TOR1AIP1: variants seen among roughly 807,000 people sequenced by gnomAD.
The protein encoded by TOR1AIP1 is torsin 1A interacting protein 1.
A neutral mutation model predicts 63.3 loss-of-function variants in TOR1AIP1; 54 were observed. The ratio of observed to expected loss-of-function variants is 0.85; its 90% confidence interval spans 0.69 to 1.07. The LOEUF is 1.07. TOR1AIP1 is among the 50% of genes least tolerant of loss of function. TOR1AIP1 has a pLI of 0.00. For synonymous variants in TOR1AIP1, 294 were observed against 273.5 expected, an observed-to-expected ratio of 1.07 and a Z score of -0.74; for missense variants, 736 against 715.0, an observed-to-expected ratio of 1.03 and a Z score of -0.33.
At chr1:179,903,497 G>A (rs1220458937) in intron 5 of TOR1AIP1, among the ~76,000 whole-genome samples, 1 of 151,434 alleles carries the variant, frequency 6.6e-6, no homozygotes, top group Non-Finnish European at 1.5e-5. Flanking sequence ...TGACTCTTTA[G>A]AAACTTTTTT....
intron 3 of TOR1AIP1, among the ~76,000 whole-genome samples, chr1:179,898,209 C>CG (rs1648343147): frequency 6.6e-6 from 1 of 152,026 alleles, no homozygotes; most frequent in African/African-American, 2.4e-5. Context: ...GGTCTTCTGG[C>CG]TTTTTTTATT....
At chr1:179,908,336 A>G (rs1648718638) in intron 7 of TOR1AIP1, among the ~76,000 whole-genome samples, 2 of 152,172 alleles carry the variant, frequency 1.3e-5, no homozygotes, top group Non-Finnish European at 2.9e-5. Context: ...TTACTCTGTG[A>G]TATGGAAATG....
In TOR1AIP1 at chr1:179,917,847, A is replaced by G. The variant is rs778639424; in HGVS notation, c.1360A>G (p.Ser454Gly). Residue 454 changes from serine (S) to glycine (G), a missense_variant, in exon 10 of 10, where the codon AGT (serine) becomes GGT (glycine). This residue lies in a region of TOR1AIP1 where 272 missense variants were observed against 344.1 expected (regional missense o/e 0.79). Coordinates refer to ENST00000606911, the MANE Select transcript of TOR1AIP1 (RefSeq NM_015602.4). Reference sequence around the variant, plus strand: ...TGGGACAGATAAAGCTACTCAAGACAGTGATACTGTCAAACTAGAGGTAGA... The same window carrying G: ...TGGGACAGATAAAGCTACTCAAGACGGTGATACTGTCAAACTAGAGGTAGA... ...IDGTDKATQD[S>G]DTVKLEVDQE... 1 of 1,614,224 alleles carries G rather than the reference A, an allele frequency of 6.2e-7. No individual in the cohort carries two copies.
Position 179,918,416 on chromosome 1 carries a change from G to A in TOR1AIP1, c.*177G>A, listed in dbSNP as rs1649092213. 6 of 633,352 alleles carry A rather than the reference G, an allele frequency of 9.5e-6. No homozygotes were observed. Among genetic ancestry groups the A allele is most frequent in the Non-Finnish European group, 1.6e-5 (6 of 378,104 alleles). The allele number at this position is 633,352 out of a possible 1,614,324, so 39.2% of individuals were successfully genotyped here. A position where few individuals can be genotyped will look rare whatever the true frequency, so the allele number is the denominator to read the frequency against. ...TTCAACCTAATTATCTGTGATATGA[G>A]AGAATCATTTCAGTTTCCATTGAGA... On this transcript the variant is annotated 3_prime_UTR_variant, in exon 10 of 10. Coordinates refer to ENST00000606911, the MANE Select transcript of TOR1AIP1 (RefSeq NM_015602.4).
intron 6 of TOR1AIP1, among the ~76,000 whole-genome samples, chr1:179,906,747 T>C (rs1306877398): frequency 1.4e-5 from 2 of 139,316 alleles, no homozygotes; most frequent in South Asian, 2.7e-4. Context: ...CCCCCCCTTT[T>C]TTTTTTTTGA....
chr1:179,917,331 C>A, intron 9 of TOR1AIP1, 121 bp from the exon 10 acceptor site: 1 of 839,354 alleles, frequency 1.2e-6, no homozygotes, highest in Non-Finnish European at 1.9e-6. Context: ...CAGCTTTCTT[C>A]TTTAAAGTCC....
At chr1:179,888,485 A>G (rs1203744222) in intron 2 of TOR1AIP1, among the ~76,000 whole-genome samples, 1 of 152,198 alleles carries the variant, frequency 6.6e-6, no homozygotes, top group African/African-American at 2.4e-5. Context: ...TTTTTTAAAG[A>G]TATCGATATA....
intron 2 of TOR1AIP1, 145 bp from the exon 3 acceptor site, chr1:179,889,168 C>G (rs1270691684): frequency 8.0e-6 from 4 of 497,706 alleles, no homozygotes; most frequent in African/African-American, 7.7e-5. Flanking sequence ...CAACAGTTGT[C>G]ACTTAGAAAG....
At chr1:179,897,730 A>C (rs1648331244) in intron 3 of TOR1AIP1, among the ~76,000 whole-genome samples, 1 of 152,164 alleles carries the variant, frequency 6.6e-6, no homozygotes, top group Admixed American at 6.6e-5. Flanking sequence ...GTATTACATG[A>C]ATTACACTTA....
chr1:179,882,361 G>A lies in TOR1AIP1; in HGVS notation c.-142G>A. 1.3e-6 allele frequency: 1 copy of A among 784,652 alleles called. No homozygotes were observed. The highest frequency in any genetic ancestry group is 1.8e-5 in the African/African-American group (1 of 55,686). The allele number at this position is 784,652 out of a possible 1,614,324, so 48.6% of individuals were successfully genotyped here. On this transcript the variant is annotated 5_prime_UTR_variant, in exon 1 of 10. Coordinates refer to ENST00000606911, the MANE Select transcript of TOR1AIP1 (RefSeq NM_015602.4). ...GCTACACAGCAGCGACGACGCAGGC[G>A]GCGGCCCCAGCGACTCGCAACTGCC...
At chr1:179,904,951 T>C (rs1273881406) in intron 6 of TOR1AIP1, among the ~76,000 whole-genome samples, 1 of 152,236 alleles carries the variant, frequency 6.6e-6, no homozygotes, top group Non-Finnish European at 1.5e-5. Flanking sequence ...TACTACTGTT[T>C]TTTTCTTTTG....
In TOR1AIP1 at chr1:179,882,706, C is replaced by T; in HGVS notation, c.204C>T (p.Gly68=). ...CGGACGAGCCGCCAGAAGTGTACGG[C>T]GACTTCGAGCCCCTGGTGGCCAAAG... ...RFSDEPPEVY[G]DFEPLVAKER... is the part of the protein sequence containing the mutation. The change falls in exon 1 of 10, where the codon GGC becomes GGT. Residue 68 remains glycine, a synonymous_variant. Coordinates refer to ENST00000606911, the MANE Select transcript of TOR1AIP1 (RefSeq NM_015602.4). The T allele has an allele frequency of 6.2e-7, 1 of 1,612,440 alleles. No homozygotes were observed.
chr1:179,894,901 A>C (rs1241269343), intron 3 of TOR1AIP1, among the ~76,000 whole-genome samples: 1 of 152,230 alleles, frequency 6.6e-6, no homozygotes, highest in East Asian at 1.9e-4. Context: ...AGAAATGTAG[A>C]TGCTTTGGCA....
chr1:179,883,116 C>G, intron 1 of TOR1AIP1, 139 bp downstream of exon 1: 2 of 807,564 alleles, frequency 2.5e-6, no homozygotes, highest in Non-Finnish European at 3.9e-6. Context: ...CCCCTCTGGA[C>G]TTGTGCCGCC....
intron 3 of TOR1AIP1, among the ~76,000 whole-genome samples, chr1:179,897,130 A>G (rs1251127910): frequency 6.6e-6 from 1 of 152,206 alleles, no homozygotes; most frequent in African/African-American, 2.4e-5. Flanking sequence ...ATTTATTGTT[A>G]GGAACATAGA....
chr1:179,903,539 ACT>A (rs1157058190), intron 5 of TOR1AIP1, among the ~76,000 whole-genome samples: 1 of 147,878 alleles, frequency 6.8e-6, no homozygotes, highest in Admixed American at 6.8e-5. Context: ...ACAGAGTCTC[ACT>A]CTCTTGTTCA....
chr1:179,913,905 T>C, intron 8 of TOR1AIP1, 93 bp from the exon 9 acceptor site: 1 of 1,201,128 alleles, frequency 8.3e-7, no homozygotes, highest in Non-Finnish European at 1.2e-6. Context: ...CTTTTTTTCC[T>C]GGTGGAATTT....
chr1:179,890,108 C>T (rs1648023196), intron 3 of TOR1AIP1, among the ~76,000 whole-genome samples: 1 of 152,126 alleles, frequency 6.6e-6, no homozygotes, highest in South Asian at 2.1e-4. Context: ...CTTTATTCTT[C>T]CAGTATACTG....
At chr1:179,906,732 T>TTCCC (rs1158933425) in intron 6 of TOR1AIP1, among the ~76,000 whole-genome samples, 1 of 112,642 alleles carries the variant, frequency 8.9e-6, no homozygotes, top group African/African-American at 3.4e-5. Context: ...CAATTTTGGT[T>TTCCC]CCCCCCCCCC....
Sources: gnomAD v4.1 joint callset for allele counts (sites outside exome capture counted in the v4.1 genomes callset) on GRCh38, gnomAD v4.1.1 for gene constraint, gnomAD v4.1.1 regional missense constraint, MANE v1.5 for transcripts, NCBI Gene and HGNC (gene_info 2026-07-23, HGNC 2026-07-21) for gene names.